Variants in TMEM196 observed in about 807,000 individuals in gnomAD.
TMEM196 encodes transmembrane protein 196.
Under a neutral mutation model 20.0 loss-of-function variants are expected in TMEM196, and 17 were observed. The observed-to-expected ratio is 0.85, with a 90% CI of 0.58 to 1.27. The LOEUF (loss-of-function observed/expected upper bound fraction) is 1.27. Ranked by LOEUF, TMEM196 falls within the 50% of genes most tolerant of loss-of-function variation. TMEM196 has a pLI of 0.00. For synonymous variants in TMEM196, 113 were observed against 88.9 expected (o/e 1.27, Z -1.52); for missense variants, 267 against 223.0 (o/e 1.20, Z -1.26).
At chr7:19,749,024 T>G (rs1784864066) in intron 1 of TMEM196, among the ~76,000 whole-genome samples, 2 of 152,204 alleles carry the variant, frequency 1.3e-5, no homozygotes, top group African/African-American at 4.8e-5. Context: ...AGTGATTATC[T>G]CTGAGTGGCA....
chr7:19,761,913 C>T (rs1785450982), intron 1 of TMEM196, among the ~76,000 whole-genome samples: 1 of 152,192 alleles, frequency 6.6e-6, no homozygotes, highest in East Asian at 1.9e-4. Context: ...TTCTTCACAT[C>T]TCCCCCTCAG....
At chr7:19,728,246 T>C (rs1047353324) in intron 2 of TMEM196, among the ~76,000 whole-genome samples, 1 of 152,106 alleles carries the variant, frequency 6.6e-6, no homozygotes, top group Admixed American at 6.5e-5. Context: ...GCTTCCTTGC[T>C]TGTTTACTTG....
intron 1 of TMEM196, 51 bp downstream of exon 1, chr7:19,772,499 G>A (rs1785924195): frequency 4.1e-6 from 6 of 1,460,130 alleles, no homozygotes; most frequent in African/African-American, 1.4e-5. Context: ...TCACCGTAAA[G>A]AGGTAAAGAG....
intron 1 of TMEM196, among the ~76,000 whole-genome samples, chr7:19,761,214 G>T (rs752610669): frequency 2.6e-5 from 4 of 152,160 alleles, no homozygotes; most frequent in Non-Finnish European, 4.4e-5. Flanking sequence ...ATCTTCAAAA[G>T]AAGCCACTTT....
chr7:19,739,523 A>T (rs77806780), intron 1 of TMEM196, among the ~76,000 whole-genome samples: 59 of 152,242 alleles, frequency 3.9e-4, no homozygotes, highest in African/African-American at 1.4e-3. Flanking sequence ...ACACAGCTAG[A>T]AGTTGCCATC....
At chr7:19,755,127 G>A (rs2892940) in intron 1 of TMEM196, among the ~76,000 whole-genome samples, 36,944 of 152,012 alleles carry the variant, frequency 0.24, 5,697 homozygotes, top group East Asian at 0.43. Flanking sequence ...TTGAACATCA[G>A]GATTCAGTGC....
intron 1 of TMEM196, among the ~76,000 whole-genome samples, chr7:19,730,066 C>G (rs916320833): frequency 6.6e-6 from 1 of 152,044 alleles, no homozygotes; most frequent in African/African-American, 2.4e-5. Context: ...ACCATCCTGG[C>G]TAACACGGTG....
chr7:19,738,920 G>C (rs28840735), intron 1 of TMEM196, among the ~76,000 whole-genome samples: 71,879 of 151,906 alleles, frequency 0.47, 20,538 homozygotes, highest in East Asian at 0.97. Flanking sequence ...GATTTTCTTC[G>C]AAAAAGTACC....
intron 1 of TMEM196, among the ~76,000 whole-genome samples, chr7:19,757,589 A>G (rs1785270856): frequency 1.3e-5 from 2 of 151,964 alleles, no homozygotes. Flanking sequence ...CCTCTAAAAG[A>G]CTATTCTGTA....
chr7:19,763,363 G>T (rs920691557), intron 1 of TMEM196, among the ~76,000 whole-genome samples: 7 of 151,718 alleles, frequency 4.6e-5, no homozygotes, highest in Non-Finnish European at 1.0e-4. Context: ...TAATTGGCAG[G>T]GTACAAATTT....
In TMEM196 at chr7:19,725,748, G is replaced by A. The variant is rs761475064; in HGVS notation, c.225C>T (p.Cys75=). The change falls in exon 3 of 5, where the codon TGC becomes TGT. Residue 75 remains cysteine (C), a synonymous_variant. Coordinates refer to ENST00000405844, the MANE Select transcript of TMEM196 (RefSeq NM_001363562.2). ...TGCCCCCAATAAGTCCACAGATACA[G>A]CAGGCTGAAAAGAGGATCATCTGAT... ...SGLVMILFSA[C]CICGLIGGIL... 1.2e-6 allele frequency: 2 copies of A among 1,605,992 alleles called. No homozygotes were observed. Among genetic ancestry groups the A allele is most frequent in the Non-Finnish European group, 1.7e-6 (2 of 1,174,334 alleles).
At chr7:19,742,535 A>G (rs1265429580) in intron 1 of TMEM196, among the ~76,000 whole-genome samples, 1 of 152,112 alleles carries the variant, frequency 6.6e-6, no homozygotes, top group Non-Finnish European at 1.5e-5. Flanking sequence ...CCATTTGACG[A>G]CATATGTTTT....
intron 1 of TMEM196, among the ~76,000 whole-genome samples, chr7:19,752,462 A>G (rs1016479604): frequency 1.3e-5 from 2 of 152,150 alleles, no homozygotes; most frequent in African/African-American, 4.8e-5. Context: ...AGCCCTTAAC[A>G]GGATTATTTA....
At chr7:19,727,295 A>C (rs1162181878) in intron 2 of TMEM196, among the ~76,000 whole-genome samples, 1 of 152,152 alleles carries the variant, frequency 6.6e-6, no homozygotes, top group African/African-American at 2.4e-5. Flanking sequence ...GTGTTGCCCT[A>C]GGAGTAGGGA....
intron 1 of TMEM196, among the ~76,000 whole-genome samples, chr7:19,758,631 T>C (rs1004842842): frequency 6.6e-6 from 1 of 152,244 alleles, no homozygotes; most frequent in African/African-American, 2.4e-5. Flanking sequence ...AAATTATTTC[T>C]AAATCTCTGG....
Position 19,772,565 on chromosome 7 carries a change from G to C in TMEM196, c.132C>G (p.Leu44=). 1 of 1,544,794 alleles carries C rather than the reference G, an allele frequency of 6.5e-7. No individual in the cohort carries two copies. Among genetic ancestry groups the C allele is most frequent in the East Asian group, 2.5e-5 (1 of 40,506 alleles). ...SLALREHKPQ[L]GDSSPFLLCG... ...CGCTCCATACCGGGGACGAGTCTCCGAGCTGCGGCTTGTGCTCTCGGAGGG... is the reference window on the plus strand; with the variant it reads ...CGCTCCATACCGGGGACGAGTCTCCCAGCTGCGGCTTGTGCTCTCGGAGGG... The change falls in exon 1 of 5, where the codon CTC becomes CTG. Residue 44 remains leucine, a synonymous_variant. Coordinates refer to ENST00000405844, the MANE Select transcript of TMEM196 (RefSeq NM_001363562.2).
intron 1 of TMEM196, among the ~76,000 whole-genome samples, chr7:19,748,121 G>A (rs978442826): frequency 5.3e-5 from 8 of 151,512 alleles, no homozygotes; most frequent in African/African-American, 1.9e-4. Flanking sequence ...ATGATTTTCT[G>A]GGGCATTGCT....
chr7:19,736,258 T>C (rs1010452895), intron 1 of TMEM196, among the ~76,000 whole-genome samples: 10 of 150,568 alleles, frequency 6.6e-5, no homozygotes, highest in Non-Finnish European at 1.2e-4. Context: ...GATGATTGTG[T>C]TTTTCTTACA....
chr7:19,729,526 TC>T, intron 1 of TMEM196, 88 bp from the exon 2 acceptor site: 1 of 1,195,190 alleles, frequency 8.4e-7, no homozygotes, highest in Non-Finnish European at 1.2e-6. Context: ...TGACACTTTC[TC>T]CAGGGAAGAT....
Sources: gnomAD v4.1 joint callset for allele counts (sites outside exome capture counted in the v4.1 genomes callset) on GRCh38, gnomAD v4.1.1 for gene constraint, MANE v1.5 for transcripts, NCBI Gene and HGNC (gene_info 2026-07-23, HGNC 2026-07-21) for gene names.